Variants in BTAF1 observed in about 807,000 individuals in gnomAD.
The protein encoded by BTAF1 is TATA-binding protein-associated factor 172.
In BTAF1, 38 loss-of-function variants were observed where a neutral mutation model predicts 227.1. The ratio of observed to expected loss-of-function variants is 0.17; its 90% CI spans 0.13 to 0.22. The LOEUF is 0.22. Among genes scored for constraint, BTAF1 ranks in the 10% least tolerant of loss-of-function variants. The probability of loss-of-function intolerance (pLI) is 1.00; values close to 1 mark genes in which losing one functional copy is unlikely to be tolerated. For missense variants in BTAF1, 1,598 were observed against 2,204.0 expected (o/e 0.73, Z 5.51); for synonymous variants, 742 against 751.9 (o/e 0.99, Z 0.21).
At chr10:92,006,669 T>C (rs1402991115) in intron 25 of BTAF1, among the ~76,000 whole-genome samples, 3 of 152,204 alleles carry the variant, frequency 2.0e-5, no homozygotes, top group Non-Finnish European at 4.4e-5. Context: ...CTCTTGAAAA[T>C]ATGAATTTTA....
intron 2 of BTAF1, among the ~76,000 whole-genome samples, chr10:91,936,278 C>T (rs892159366): frequency 6.6e-6 from 1 of 152,062 alleles, no homozygotes; most frequent in Non-Finnish European, 1.5e-5. Context: ...ACTCTGTATG[C>T]GTATTGAAGT....
intron 25 of BTAF1, among the ~76,000 whole-genome samples, chr10:92,001,516 A>C (rs374361989): frequency 7.9e-5 from 12 of 152,218 alleles, no homozygotes; most frequent in African/African-American, 2.9e-4. Flanking sequence ...ATATTGCCTC[A>C]GTAATAGAGC....
chr10:91,969,319 C>T (rs528253923), intron 14 of BTAF1, among the ~76,000 whole-genome samples: 2 of 151,770 alleles, frequency 1.3e-5, no homozygotes, highest in East Asian at 3.9e-4. Flanking sequence ...TTTCAAATAA[C>T]TGAAATATAC....
chr10:91,931,661 C>T (rs1844283873), intron 1 of BTAF1, among the ~76,000 whole-genome samples: 1 of 152,140 alleles, frequency 6.6e-6, no homozygotes. Flanking sequence ...CGTTCTTTTC[C>T]TCTTCCCCAC....
At chr10:91,991,407 T>C (rs924629210) in intron 20 of BTAF1, among the ~76,000 whole-genome samples, 3 of 149,558 alleles carry the variant, frequency 2.0e-5, no homozygotes, top group Admixed American at 1.3e-4. Flanking sequence ...ATTGCACCAC[T>C]GCACCCCAGC....
intron 25 of BTAF1, among the ~76,000 whole-genome samples, chr10:92,000,831 G>A (rs1849476063): frequency 6.6e-6 from 1 of 152,158 alleles, no homozygotes. Context: ...TGGGATTACA[G>A]GCATGAGCCA....
chr10:91,976,912 T>C (rs1474141382), intron 14 of BTAF1, among the ~76,000 whole-genome samples: 1 of 152,152 alleles, frequency 6.6e-6, no homozygotes. Flanking sequence ...AATAACTTAA[T>C]GAGGTAACTC....
intron 35 of BTAF1, among the ~76,000 whole-genome samples, chr10:92,025,750 G>A (rs2134184500): frequency 6.9e-6 from 1 of 145,432 alleles, no homozygotes; most frequent in Middle Eastern, 3.7e-3. Context: ...GAGTTGCAGT[G>A]AGCAGAGATT....
chr10:91,952,132 G>GTA (rs1027342398), intron 5 of BTAF1, among the ~76,000 whole-genome samples: 3 of 150,834 alleles, frequency 2.0e-5, no homozygotes, highest in Non-Finnish European at 2.9e-5. Flanking sequence ...TTGTGTGTGT[G>GTA]TATATATGTA....
In BTAF1 at chr10:92,026,598, T is replaced by C; in HGVS notation, c.5082T>C (p.Asn1694=). The part of the protein sequence containing the change: ...GQRHSIVSRF[N]NDPSIDVLLL... Reference sequence around the variant, plus strand: ...TTTTGTTATCTACTTTTAGGTTTAATAATGATCCATCTATAGACGTTCTGT... The same window carrying C: ...TTTTGTTATCTACTTTTAGGTTTAACAATGATCCATCTATAGACGTTCTGT... The change falls in exon 36 of 38, where the codon AAT becomes AAC. Residue 1694 remains asparagine (N), a synonymous_variant. Transcript: ENST00000265990. 6.2e-7 allele frequency: 1 copy of C among 1,610,878 alleles called. No homozygotes were observed. Among genetic ancestry groups the C allele is most frequent in the Non-Finnish European group, 8.5e-7 (1 of 1,178,216 alleles).
chr10:91,960,590 T>G (rs1846438782), intron 11 of BTAF1, among the ~76,000 whole-genome samples: 1 of 151,200 alleles, frequency 6.6e-6, no homozygotes, highest in Non-Finnish European at 1.5e-5. Context: ...TGTCAGTGTT[T>G]TTTTTTTTTT....
intron 9 of BTAF1, 24 bp from the exon 10 acceptor site, chr10:91,959,756 ATATAT>A (rs762915148): frequency 1.8e-6 from 1 of 541,750 alleles, no homozygotes; most frequent in Non-Finnish European, 2.8e-6. Flanking sequence ...ATATATATAT[ATATAT>A]ATATATATAT....
chr10:91,954,498 G>A (rs1414890413), intron 6 of BTAF1, among the ~76,000 whole-genome samples: 1 of 151,762 alleles, frequency 6.6e-6, no homozygotes, highest in Non-Finnish European at 1.5e-5. Flanking sequence ...TCAAAGGGTG[G>A]TTCAAAACTA....
At chr10:91,975,552 G>A (rs751268422) in intron 14 of BTAF1, among the ~76,000 whole-genome samples, 41 of 152,326 alleles carry the variant, frequency 2.7e-4, no homozygotes, top group African/African-American at 9.9e-4. Flanking sequence ...GATCACAATA[G>A]GGTTTCAGAG....
At chr10:91,973,622 C>T (rs1024899503) in intron 14 of BTAF1, among the ~76,000 whole-genome samples, 3 of 152,032 alleles carry the variant, frequency 2.0e-5, no homozygotes, top group East Asian at 1.9e-4. Context: ...GAAACTTTCC[C>T]GGCCGGGCGC....
chr10:91,969,536 CT>C (rs1471612436), intron 14 of BTAF1, among the ~76,000 whole-genome samples: 1 of 152,100 alleles, frequency 6.6e-6, no homozygotes, highest in African/African-American at 2.4e-5. Flanking sequence ...TTGAACTGTT[CT>C]TTTTCGGTTT....
chr10:91,933,826 C>G (rs924678069), intron 1 of BTAF1, among the ~76,000 whole-genome samples: 1 of 152,140 alleles, frequency 6.6e-6, no homozygotes, highest in Admixed American at 6.5e-5. Flanking sequence ...TTTATTTTCT[C>G]AGTAGAGAGA....
In BTAF1 at chr10:91,956,578, ATGT is replaced by A. The variant is rs745348654; in HGVS notation, c.757_759del (p.Val253del). The A allele has an allele frequency of 3.1e-6, 5 of 1,601,254 alleles. No homozygotes were observed. Among genetic ancestry groups the A allele is most frequent in the African/African-American group, 1.4e-5 (1 of 73,860 alleles). ...GAAGAAAAGAGACGGAAAATAGCAAATGTTGTTATTAATCAGTCTGCAAATGAT... is the reference window on the plus strand; with the variant it reads ...GAAGAAAAGAGACGGAAAATAGCAAATGTTATTAATCAGTCTGCAAATGAT... On this transcript the variant is annotated inframe_deletion, in exon 7 of 38. Coordinates refer to ENST00000265990, the MANE Select transcript of BTAF1 (RefSeq NM_003972.3).
At chr10:91,951,798 T>C (rs1845781439) in intron 5 of BTAF1, among the ~76,000 whole-genome samples, 1 of 152,220 alleles carries the variant, frequency 6.6e-6, no homozygotes, top group Non-Finnish European at 1.5e-5. Context: ...GTAGACCTTT[T>C]AGGCACTACT....
Sources: gnomAD v4.1 joint callset for allele counts (sites outside exome capture counted in the v4.1 genomes callset) on GRCh38, gnomAD v4.1.1 for gene constraint, MANE v1.5 for transcripts, NCBI Gene and HGNC (gene_info 2026-07-23, HGNC 2026-07-21) for gene names.